The following NEK7 variants were observed in gnomAD, a reference collection of about 807,000 sequenced individuals.
NEK7 encodes the protein NIMA related kinase 7.
A neutral mutation model predicts 44.6 loss-of-function variants in NEK7; 18 were observed. The ratio of observed to expected loss-of-function variants is 0.40; its 90% CI spans 0.28 to 0.60. NEK7 has a LOEUF of 0.60. Ranked by LOEUF, NEK7 falls within the 20% of genes least tolerant of loss-of-function variation. The pLI is 0.38. For missense variants in NEK7, 256 were observed against 366.5 expected, an observed-to-expected ratio of 0.70 and a Z score of 2.46; for synonymous variants, 130 against 121.1, an observed-to-expected ratio of 1.07 and a Z score of -0.48.
intron 5 of NEK7, among the ~76,000 whole-genome samples, chr1:198,269,878 A>G (rs1653781688): frequency 6.6e-6 from 1 of 152,100 alleles, no homozygotes; most frequent in Non-Finnish European, 1.5e-5. Flanking sequence ...AAGGAAATCT[A>G]GAATTTTTCA....
At chr1:198,271,905 T>TTTTTTA (rs751259588) in intron 5 of NEK7, among the ~76,000 whole-genome samples, 20 of 141,394 alleles carry the variant, frequency 1.4e-4, no homozygotes, top group African/African-American at 2.8e-4. Flanking sequence ...AATTTATATT[T>TTTTTTA]TATATATATA....
In NEK7 at chr1:198,157,289, C is replaced by G. The variant is rs1315590957; in HGVS notation, c.-29+13C>G. On this transcript the variant is annotated intron_variant, in intron 1 of 9. Transcript: ENST00000367385. ...TCCCAACTTCCTGGTGAGTCGCTGC[C>G]CAGGGTTCAGGCGCCCGGACCGGGC... 1.3e-5 allele frequency: 2 copies of G among 152,062 alleles called. No individual in the cohort carries two copies. Among genetic ancestry groups the G allele is most frequent in the Non-Finnish European group, 2.9e-5 (2 of 68,032 alleles). 9.4% of individuals were successfully genotyped at this position (152,062 alleles called of 1,614,324 possible). A position where few individuals can be genotyped will look rare whatever the true frequency, so the allele number is the denominator to read the frequency against.
chr1:198,211,322 G>A (rs949505070), intron 1 of NEK7, among the ~76,000 whole-genome samples: 2 of 152,160 alleles, frequency 1.3e-5, no homozygotes, highest in Non-Finnish European at 2.9e-5. Context: ...AGGAAATTAT[G>A]TATCAGATGA....
chr1:198,310,417 T>G (rs1468514544), intron 9 of NEK7, among the ~76,000 whole-genome samples: 1 of 150,764 alleles, frequency 6.6e-6, no homozygotes, highest in Non-Finnish European at 1.5e-5. Context: ...GATGGTAGTT[T>G]CTTTTGCTGT....
chr1:198,171,010 C>T (rs779479444), intron 1 of NEK7, among the ~76,000 whole-genome samples: 28 of 152,154 alleles, frequency 1.8e-4, no homozygotes, highest in Non-Finnish European at 3.8e-4. Context: ...AGCTGTCCTC[C>T]TCACCTTAGC....
chr1:198,237,191 G>A (rs950286024), intron 2 of NEK7, among the ~76,000 whole-genome samples: 1 of 152,136 alleles, frequency 6.6e-6, no homozygotes, highest in African/African-American at 2.4e-5. Context: ...TTCTGAGAAG[G>A]TGACACTTAA....
At position 198,232,499 on chromosome 1, in the gene NEK7, G is replaced by T. The variant is rs115220889; in HGVS notation, c.-28-54G>T. ...ATGCATGTGTCGGTGTATGATGAAT[G>T]ATGTGAATTGGTAATGATTACATTA... On this transcript the variant is annotated intron_variant, in intron 1 of 9. Transcript: ENST00000367385. 3.3e-3 allele frequency: 2,682 copies of T among 812,212 alleles called. 27 individuals carry two copies. The highest frequency in any genetic ancestry group is 0.02 in the African/African-American group (1,161 of 58,890). The allele number at this position is 812,212 out of a possible 1,614,324, so 50.3% of individuals were successfully genotyped here.
chr1:198,235,577 T>C (rs1666525465), intron 2 of NEK7, among the ~76,000 whole-genome samples: 1 of 152,162 alleles, frequency 6.6e-6, no homozygotes. Context: ...ATAGTAAAAT[T>C]TTTACTCTTT....
intron 7 of NEK7, among the ~76,000 whole-genome samples, chr1:198,290,993 T>A (rs1313971180): frequency 6.6e-6 from 1 of 152,194 alleles, no homozygotes; most frequent in Non-Finnish European, 1.5e-5. Flanking sequence ...CTCCCTTCAC[T>A]TGGGTCGTCC....
chr1:198,257,443 T>C (rs1653305833), intron 3 of NEK7, among the ~76,000 whole-genome samples: 2 of 152,192 alleles, frequency 1.3e-5, no homozygotes, highest in Admixed American at 1.3e-4. Context: ...TGATCAGAAA[T>C]TTGTGGACAA....
chr1:198,283,360 C>G (rs1328650853), intron 7 of NEK7, among the ~76,000 whole-genome samples: 1 of 152,054 alleles, frequency 6.6e-6, no homozygotes, highest in Non-Finnish European at 1.5e-5. Flanking sequence ...TCAGAGTACC[C>G]TTAGTATGTG....
intron 9 of NEK7, among the ~76,000 whole-genome samples, chr1:198,298,194 G>A (rs1654768362): frequency 6.6e-6 from 1 of 152,132 alleles, no homozygotes; most frequent in South Asian, 2.1e-4. Context: ...ATGGAAAGGA[G>A]AAAAGGAAAA....
Position 198,253,123 on chromosome 1 carries a change from A to G in NEK7, c.141A>G (p.Glu47=). 2 of 1,612,478 alleles carry G rather than the reference A, an allele frequency of 1.2e-6. No individual in the cohort carries two copies. The highest frequency in any genetic ancestry group is 2.2e-5 in the East Asian group (1 of 44,824). ...EKKIGRGQFS[E]VYRAACLLDG... ...AAATTGGTCGCGGACAATTTAGTGA[A>G]GTTTATAGAGCAGCCTGTCTCTTGG... is the stretch of plus-strand genomic sequence containing the variant. Residue 47 remains glutamate, a synonymous_variant, in exon 3 of 10, where the codon GAA becomes GAG. Coordinates refer to ENST00000367385, the MANE Select transcript of NEK7 (RefSeq NM_133494.3).
chr1:198,195,541 C>T (rs980579968), intron 1 of NEK7, among the ~76,000 whole-genome samples: 14 of 152,168 alleles, frequency 9.2e-5, no homozygotes, highest in Admixed American at 3.9e-4. Flanking sequence ...TGAATATGGG[C>T]CAGGCGTGGT....
At chr1:198,198,102 G>A (rs1665298416) in intron 1 of NEK7, 3 of 1,358,468 alleles carry the variant, frequency 2.2e-6, no homozygotes, top group South Asian at 2.7e-5. Flanking sequence ...ATAGGTGGTG[G>A]GTGGGCAGGA....
At chr1:198,200,381 G>A (rs1052385206) in intron 1 of NEK7, among the ~76,000 whole-genome samples, 4 of 151,824 alleles carry the variant, frequency 2.6e-5, no homozygotes, top group East Asian at 1.9e-4. Flanking sequence ...ATATGTATAC[G>A]AAAACTTGTT....
intron 2 of NEK7, among the ~76,000 whole-genome samples, chr1:198,237,653 G>A (rs1314537361): frequency 6.6e-6 from 1 of 152,064 alleles, no homozygotes; most frequent in African/African-American, 2.4e-5. Flanking sequence ...CTATTTTATT[G>A]CAGTATCTTC....
In NEK7 at chr1:198,264,207, A is replaced by G. The variant is rs1156591886; in HGVS notation, c.344A>G (p.Asp115Gly). The G allele has an allele frequency of 1.2e-6, 2 of 1,605,546 alleles. No homozygotes were observed. Among genetic ancestry groups the G allele is most frequent in the East Asian group, 2.3e-5 (1 of 44,422 alleles). ...NELNIVLELA[D>G]AGDLSRMIKH... ...CTAAACATAGTTTTGGAACTAGCAGATGCTGGCGACCTATCCAGAATGATC... is the reference window on the plus strand; with the variant it reads ...CTAAACATAGTTTTGGAACTAGCAGGTGCTGGCGACCTATCCAGAATGATC... The change falls in exon 5 of 10, where the codon GAT becomes GGT. Residue 115 changes from aspartate (D) to glycine (G), a missense_variant. Transcript: ENST00000367385.
At chr1:198,183,815 T>G (rs1389645319) in intron 1 of NEK7, among the ~76,000 whole-genome samples, 2 of 152,224 alleles carry the variant, frequency 1.3e-5, no homozygotes, top group Non-Finnish European at 2.9e-5. Flanking sequence ...TGGTGATAAA[T>G]ATAGCATGTG....
Sources: gnomAD v4.1 joint callset for allele counts (sites outside exome capture counted in the v4.1 genomes callset) on GRCh38, gnomAD v4.1.1 for gene constraint, MANE v1.5 for transcripts, NCBI Gene and HGNC (gene_info 2026-07-23, HGNC 2026-07-21) for gene names.